The following ZNF320 variants were observed in gnomAD, a reference collection of about 807,000 sequenced individuals.
ZNF320 encodes the protein zinc finger protein 320.
In ZNF320, 2 loss-of-function variants were observed where a neutral mutation model predicts 6.8. The ratio of observed to expected loss-of-function variants is 0.29; its 90% CI spans 0.12 to 0.93. The LOEUF is 0.93. Ranked by LOEUF, ZNF320 falls within the 40% of genes least tolerant of loss-of-function variation. The probability of loss-of-function intolerance (pLI) is 0.55; values close to 1 mark genes in which losing one functional copy is unlikely to be tolerated. For missense variants in ZNF320, 472 were observed against 611.0 expected (o/e 0.77, Z 2.40); for synonymous variants, 208 against 203.2 (o/e 1.02, Z -0.20).
intron 5 of ZNF320, among the ~76,000 whole-genome samples, chr19:52,864,678 T>C (rs1480802228): frequency 6.6e-6 from 1 of 152,004 alleles, no homozygotes; most frequent in East Asian, 1.9e-4. Context: ...ATCAGTGCAC[T>C]ATAGCTGGAG....
chr19:52,892,796 C>T (rs1182255863), intron 2 of ZNF320, among the ~76,000 whole-genome samples: 1 of 151,614 alleles, frequency 6.6e-6, no homozygotes, highest in Non-Finnish European at 1.5e-5. Context: ...CCCCAGGTGT[C>T]CTCCCTGCTG....
At chr19:52,899,934 A>G (rs1314707671), upstream of ZNF320, among the ~76,000 whole-genome samples, 1 of 152,166 alleles carries the variant, frequency 6.6e-6, no homozygotes, top group African/African-American at 2.4e-5. Context: ...GGCTTACAGT[A>G]TTATATAATT....
intron 2 of ZNF320, among the ~76,000 whole-genome samples, chr19:52,893,030 G>C (rs1388601331): frequency 1.3e-5 from 2 of 150,870 alleles, no homozygotes; most frequent in African/African-American, 4.9e-5. Context: ...GCTGTCTCTT[G>C]GCAAATCCCT....
downstream of ZNF320, among the ~76,000 whole-genome samples, chr19:52,875,083 T>G (rs1407243939): frequency 6.6e-6 from 1 of 152,228 alleles, no homozygotes; most frequent in East Asian, 1.9e-4. Context: ...ACTCCTTTCA[T>G]GTATACATGC....
intron 5 of ZNF320, among the ~76,000 whole-genome samples, chr19:52,866,425 G>T (rs2063573929): frequency 6.6e-6 from 1 of 151,732 alleles, no homozygotes; most frequent in Non-Finnish European, 1.5e-5. Flanking sequence ...GGCAGCCAGG[G>T]TGGCATTCTT....
intron 2 of ZNF320, among the ~76,000 whole-genome samples, chr19:52,892,886 C>G (rs987321955): frequency 6.6e-6 from 1 of 150,950 alleles, no homozygotes; most frequent in Non-Finnish European, 1.5e-5. Flanking sequence ...TCCTCTCCCT[C>G]ACTCTGATGA....
chr19:52,862,257 T>A, exon 6 of ZNF320: 1 of 685,602 alleles, frequency 1.5e-6, no homozygotes, highest in Non-Finnish European at 2.5e-6. Context: ...GCCACACTCA[T>A]TACACTTGTA....
intron 5 of ZNF320, among the ~76,000 whole-genome samples, chr19:52,865,624 T>A (rs1230080789): frequency 1.5e-5 from 2 of 130,088 alleles, no homozygotes; most frequent in African/African-American, 3.2e-5. Flanking sequence ...CATATATATT[T>A]ATATATGATT....
Position 52,876,506 on chromosome 19 carries a change from T to C in ZNF320, c.*4090A>G, listed in dbSNP as rs1447312981. ...TGAGAAGCAGTTTTTTATATTACTT[T>C]AATTTTATTTTAGAGATGGAGTCTC... On this transcript the variant is annotated 3_prime_UTR_variant, in exon 6 of 6. Transcript: ENST00000682928. The C allele has an allele frequency of 6.7e-6, 1 of 150,010 alleles. No individual in the cohort carries two copies. Among genetic ancestry groups the C allele is most frequent in the African/African-American group, 2.4e-5 (1 of 40,984 alleles). 9.3% of individuals were successfully genotyped at this position (150,010 alleles called of 1,614,324 possible). A position where few individuals can be genotyped will look rare whatever the true frequency, so the allele number is the denominator to read the frequency against.
rs774179492 is a variant in ZNF320, at chr19:52,881,049, A to G, written c.1077T>C (p.Cys359=). The change falls in exon 6 of 6, where the codon TGT becomes TGC. Residue 359 remains cysteine, a synonymous_variant. Transcript: ENST00000682928. Reference sequence around the variant, plus strand: ...TCCGGAAAGCCTTGTCACAAACCTTACATTTGTATGGTTTCTCTCCAGTAT... The same window carrying G: ...TCCGGAAAGCCTTGTCACAAACCTTGCATTTGTATGGTTTCTCTCCAGTAT... The part of the protein sequence containing the change: ...RIHTGEKPYK[C]KVCDKAFRSD... 6.2e-7 allele frequency: 1 copy of G among 1,614,156 alleles called. No homozygotes were observed. The highest frequency in any genetic ancestry group is 1.7e-5 in the Admixed American group (1 of 60,026).
At chr19:52,901,882 G>T (rs371647350), upstream of ZNF320, among the ~76,000 whole-genome samples, 33 of 151,702 alleles carry the variant, frequency 2.2e-4, no homozygotes, top group South Asian at 2.1e-3. Context: ...CTTGGCCAGG[G>T]CCTTACAGTC....
At chr19:52,901,371 G>A (rs138510521), upstream of ZNF320, among the ~76,000 whole-genome samples, 375 of 152,244 alleles carry the variant, frequency 2.5e-3, no homozygotes, top group African/African-American at 8.6e-3. Flanking sequence ...TGAGTCCTGC[G>A]ATGAGTTTCT....
rs145406788 is a variant in ZNF320 at position 52,864,609 on chromosome 19, C to T, written c.224-450G>A. Among the ~76,000 whole-genome samples, 801 of 152,160 alleles carry T rather than the reference C, an allele frequency of 5.3e-3. 9 individuals are homozygous for T. Among genetic ancestry groups the T allele is most frequent in the African/African-American group, 0.016 (682 of 41,520 alleles). ...GTCAAGAGTTTGAGATCAGCCTGAACAACATGGTGAAAACTCCTCTTCTCC... is the reference window on the plus strand; with the variant it reads ...GTCAAGAGTTTGAGATCAGCCTGAATAACATGGTGAAAACTCCTCTTCTCC... On this transcript the variant is annotated intron_variant, in intron 5 of 5. Coordinates refer to the ZNF320 transcript ENST00000673631.
At chr19:52,900,797 CTT>C (rs1190392205), upstream of ZNF320, among the ~76,000 whole-genome samples, 2 of 151,802 alleles carry the variant, frequency 1.3e-5, no homozygotes, top group Non-Finnish European at 2.9e-5. Context: ...GAGGGGCTGA[CTT>C]TTCTTTTTTG....
chr19:52,874,745 T>A (rs535900158), downstream of ZNF320, among the ~76,000 whole-genome samples: 3 of 152,110 alleles, frequency 2.0e-5, no homozygotes, highest in East Asian at 5.8e-4. Context: ...TGTCATGTCA[T>A]ATGGGGGCTG....
At chr19:52,883,743 C>CA (rs1047623561) in intron 5 of ZNF320, 20 of 345,052 alleles carry the variant, frequency 5.8e-5, no homozygotes, top group African/African-American at 2.3e-4. Flanking sequence ...ATTAAAAATA[C>CA]AAAAAAAATT....
chr19:52,889,831 C>A (rs374329197), intron 4 of ZNF320, among the ~76,000 whole-genome samples: 11 of 152,246 alleles, frequency 7.2e-5, no homozygotes, highest in African/African-American at 1.9e-4. Context: ...TATTATTGGT[C>A]TCTCTTTCTA....
upstream of ZNF320, among the ~76,000 whole-genome samples, chr19:52,901,734 G>T (rs2064571783): frequency 6.6e-6 from 1 of 152,178 alleles, no homozygotes; most frequent in South Asian, 2.1e-4. Context: ...TTATTAAAGG[G>T]ACTTTATGTT....
intron 5 of ZNF320, among the ~76,000 whole-genome samples, chr19:52,885,248 C>G (rs988082469): frequency 1.3e-5 from 2 of 151,614 alleles, no homozygotes; most frequent in African/African-American, 4.8e-5. Flanking sequence ...TAACTCCAAC[C>G]CACAAACATA....
Sources: gnomAD v4.1 joint callset for allele counts (sites outside exome capture counted in the v4.1 genomes callset) on GRCh38, gnomAD v4.1.1 for gene constraint, MANE v1.5 for transcripts, NCBI Gene and HGNC (gene_info 2026-07-23, HGNC 2026-07-21) for gene names.